Variants in CDH11 observed in about 807,000 individuals in gnomAD.
The protein encoded by CDH11 is cadherin 11.
CDH11 carries 11 observed loss-of-function variants against 67.8 expected under a neutral mutation model. That is an observed-to-expected ratio of 0.16 (90% CI 0.10 to 0.27). CDH11 has a LOEUF of 0.27. CDH11 is among the 10% of genes least tolerant of loss of function. The pLI is 1.00. For synonymous variants in CDH11, 419 were observed against 400.0 expected, an observed-to-expected ratio of 1.05 and a Z score of -0.57; for missense variants, 847 against 1,031.2, an observed-to-expected ratio of 0.82 and a Z score of 2.45.
intron 2 of CDH11, among the ~76,000 whole-genome samples, chr16:65,047,028 C>T (rs1177625554): frequency 6.6e-6 from 1 of 152,138 alleles, no homozygotes; most frequent in African/African-American, 2.4e-5. Context: ...GCATGAAAAT[C>T]GCTTGAACCT....
intron 3 of CDH11, among the ~76,000 whole-genome samples, chr16:64,999,375 G>A (rs2072858253): frequency 6.6e-6 from 1 of 152,080 alleles, no homozygotes; most frequent in Admixed American, 6.5e-5. Flanking sequence ...ATGTACCCTA[G>A]TTTATTGTTA....
chr16:64,955,438 GA>G (rs946434914), intron 11 of CDH11, among the ~76,000 whole-genome samples: 10 of 147,560 alleles, frequency 6.8e-5, no homozygotes, highest in Non-Finnish European at 1.1e-4. Flanking sequence ...GAATCAAAAA[GA>G]AAAAAAAAAT....
intron 1 of CDH11, chr16:65,118,772 A>G (rs922735763): frequency 1.3e-5 from 2 of 152,236 alleles, no homozygotes; most frequent in Admixed American, 1.3e-4. Flanking sequence ...CAAACTCTAT[A>G]TATTCCACTG....
intron 1 of CDH11, among the ~76,000 whole-genome samples, chr16:65,115,890 G>A (rs897061040): frequency 1.3e-5 from 2 of 152,016 alleles, no homozygotes; most frequent in African/African-American, 4.8e-5. Context: ...GCCATGAGCT[G>A]CGATCACAAC....
chr16:65,004,194 T>A (rs2072992475), intron 3 of CDH11, among the ~76,000 whole-genome samples: 1 of 151,956 alleles, frequency 6.6e-6, no homozygotes, highest in Non-Finnish European at 1.5e-5. Context: ...AGCAAGACCT[T>A]TTCTCTAAAA....
At chr16:65,025,496 C>A (rs972805771) in intron 2 of CDH11, among the ~76,000 whole-genome samples, 1 of 152,128 alleles carries the variant, frequency 6.6e-6, no homozygotes, top group Admixed American at 6.5e-5. Context: ...GCACCCATCA[C>A]CACACCCAGC....
At chr16:64,979,455 A>G (rs2072269288) in intron 8 of CDH11, among the ~76,000 whole-genome samples, 1 of 152,042 alleles carries the variant, frequency 6.6e-6, no homozygotes, top group South Asian at 2.1e-4. Flanking sequence ...TCAGTAGCAA[A>G]TAAATAAATA....
intron 9 of CDH11, among the ~76,000 whole-genome samples, chr16:64,972,604 G>A (rs919745353): frequency 2.6e-5 from 4 of 152,186 alleles, no homozygotes; most frequent in African/African-American, 9.7e-5. Flanking sequence ...TCTGGGTTCA[G>A]TGAAGACTAG....
intron 1 of CDH11, among the ~76,000 whole-genome samples, chr16:65,091,960 A>AT (rs1296660477): frequency 6.6e-6 from 1 of 152,134 alleles, no homozygotes; most frequent in Non-Finnish European, 1.5e-5. Flanking sequence ...ATAATAAATA[A>AT]TGTCACCTCC....
At position 65,097,562 on chromosome 16, in the gene CDH11, C is replaced by T. The variant is rs77205700; in HGVS notation, c.-298+24318G>A. 0.019 allele frequency among the ~76,000 whole-genome samples: 2,897 copies of T among 152,232 alleles called. 162 individuals are homozygous for T. The East Asian group carries it at 0.23, about 12-fold the overall frequency. On this transcript the variant is annotated intron_variant, in intron 1 of 12. Transcript: ENST00000268603. ...GATGCCAGCAGCATTCTCTCCCAAGCTGTGACAAAACAAATGTCTCTAGAT... is the reference window on the plus strand; with the variant it reads ...GATGCCAGCAGCATTCTCTCCCAAGTTGTGACAAAACAAATGTCTCTAGAT...
chr16:65,056,880 T>C (rs539789846), intron 1 of CDH11, among the ~76,000 whole-genome samples: 7 of 152,274 alleles, frequency 4.6e-5, no homozygotes, highest in African/African-American at 1.4e-4. Context: ...ATGTTTCCTA[T>C]AGAAATCCTT....
intron 2 of CDH11, among the ~76,000 whole-genome samples, chr16:65,046,492 T>C (rs1336158699): frequency 1.3e-5 from 2 of 152,162 alleles, no homozygotes; most frequent in Non-Finnish European, 2.9e-5. Flanking sequence ...AAACTGACAA[T>C]GAGAGGAACA....
intron 2 of CDH11, among the ~76,000 whole-genome samples, chr16:65,034,148 C>A (rs537442138): frequency 6.6e-6 from 1 of 152,070 alleles, no homozygotes; most frequent in Non-Finnish European, 1.5e-5. Flanking sequence ...CCTAATTCTA[C>A]GTGGCTGATA....
At chr16:65,066,254 C>T (rs2074311311) in intron 1 of CDH11, among the ~76,000 whole-genome samples, 1 of 152,186 alleles carries the variant, frequency 6.6e-6, no homozygotes, top group Admixed American at 6.5e-5. Flanking sequence ...AGGTCTTGGC[C>T]AAATATCACC....
At chr16:65,056,904 A>G (rs574813770) in intron 1 of CDH11, among the ~76,000 whole-genome samples, 1 of 152,324 alleles carries the variant, frequency 6.6e-6, no homozygotes, top group Admixed American at 6.5e-5. Context: ...CCAAAAGCCT[A>G]GGCAGTCAAT....
At chr16:65,094,722 G>T (rs937413850) in intron 1 of CDH11, 2 of 152,096 alleles carry the variant, frequency 1.3e-5, no homozygotes, top group Admixed American at 6.6e-5. Context: ...GACTATAAAA[G>T]AATAGGATTA....
chr16:65,050,775 G>A (rs923050907), intron 2 of CDH11, among the ~76,000 whole-genome samples: 4 of 150,102 alleles, frequency 2.7e-5, no homozygotes, highest in Non-Finnish European at 5.9e-5. Context: ...CTTCAAAATA[G>A]ACTGTTCTTA....
intron 1 of CDH11, among the ~76,000 whole-genome samples, chr16:65,099,155 A>C (rs978396162): frequency 2.0e-5 from 3 of 152,174 alleles, no homozygotes; most frequent in African/African-American, 7.2e-5. Flanking sequence ...GTTACTGGGA[A>C]CAGCACATAG....
chr16:65,009,054 A>C (rs1168654259), intron 2 of CDH11, among the ~76,000 whole-genome samples: 1 of 152,124 alleles, frequency 6.6e-6, no homozygotes, highest in East Asian at 1.9e-4. Context: ...CAGAGCCAGC[A>C]AGTAAAGGAC....
Sources: allele counts gnomAD v4.1 joint callset (sites outside exome capture counted in the v4.1 genomes callset), GRCh38; gene constraint gnomAD v4.1.1; transcripts MANE v1.5; gene names NCBI Gene and HGNC (gene_info 2026-07-23, HGNC 2026-07-21).